WDR82: variants seen among roughly 807,000 people sequenced by gnomAD.
The protein encoded by WDR82 is WD repeat-containing protein 82.
Under a neutral mutation model 36.1 loss-of-function variants are expected in WDR82, and 8 were observed. The ratio of observed to expected loss-of-function variants is 0.22; its 90% CI spans 0.13 to 0.40. WDR82 has a LOEUF of 0.40. Ranked by LOEUF, WDR82 falls within the 10% of genes least tolerant of loss-of-function variation. The pLI, the probability that WDR82 is intolerant of heterozygous loss-of-function variation, is 1.00. For missense variants in WDR82, 185 were observed against 400.5 expected (o/e 0.46, Z 4.59); for synonymous variants, 129 against 137.8 (o/e 0.94, Z 0.45).
chr3:52,272,790 C>G (rs985467162), intron 1 of WDR82, among the ~76,000 whole-genome samples: 1 of 152,186 alleles, frequency 6.6e-6, no homozygotes. Flanking sequence ...AGGTACTAAA[C>G]AATCACGACT....
intron 6 of WDR82, 94 bp downstream of exon 6, chr3:52,259,623 G>A (rs1700042896): frequency 2.8e-6 from 4 of 1,437,752 alleles, no homozygotes; most frequent in Non-Finnish European, 2.8e-6. Flanking sequence ...AGTAAGTCAA[G>A]AGTAACTGTT....
chr3:52,256,681 T>G lies in WDR82; in HGVS notation c.*809A>C, dbSNP rs1700012406. On this transcript the variant is annotated 3_prime_UTR_variant, in exon 9 of 9. Transcript: ENST00000296490. Reference sequence around the variant, plus strand: ...TTGCTTTTGTACAAACCAAGCTTGGTAGGCACCCAGGAGGACCGTGGGTTT... The same window carrying G: ...TTGCTTTTGTACAAACCAAGCTTGGGAGGCACCCAGGAGGACCGTGGGTTT... 6.5e-6 allele frequency: 1 copy of G among 153,710 alleles called. No homozygotes were observed. The highest frequency in any genetic ancestry group is 6.6e-5 in the Admixed American group (1 of 15,260). The allele number at this position is 153,710 out of a possible 1,614,324, so 9.5% of individuals were successfully genotyped here.
intron 5 of WDR82, 134 bp downstream of exon 5, chr3:52,260,251 C>G (rs1700049642): frequency 3.4e-6 from 2 of 586,308 alleles, no homozygotes; most frequent in African/African-American, 3.9e-5. Flanking sequence ...ATCACTTGAA[C>G]CTGGGAGGCA....
At chr3:52,276,290 G>A (rs1035237506) in intron 1 of WDR82, among the ~76,000 whole-genome samples, 1 of 151,952 alleles carries the variant, frequency 6.6e-6, no homozygotes, top group East Asian at 1.9e-4. Flanking sequence ...AAAAGTTAGG[G>A]TATGGTGGCA....
chr3:52,270,842 C>A (rs906355924), intron 1 of WDR82, 33 bp from the exon 2 acceptor site: 14 of 1,478,588 alleles, frequency 9.5e-6, no homozygotes, highest in Non-Finnish European at 1.3e-5. Flanking sequence ...AAATCATGAA[C>A]ATTCTCCATC....
At chr3:52,267,415 T>C (rs182722268) in intron 2 of WDR82, 1 of 201,380 alleles carries the variant, frequency 5.0e-6, no homozygotes, top group Non-Finnish European at 1.0e-5. Flanking sequence ...TATGTGGCTG[T>C]TGAGCTAACA....
chr3:52,258,475 C>T, intron 8 of WDR82, 61 bp downstream of exon 8: 1 of 1,598,486 alleles, frequency 6.3e-7, no homozygotes, highest in Non-Finnish European at 8.6e-7. Context: ...CTTGTTGAGG[C>T]ACCCACCACC....
At chr3:52,275,137 C>T (rs1282972543) in intron 1 of WDR82, among the ~76,000 whole-genome samples, 6 of 152,058 alleles carry the variant, frequency 3.9e-5, no homozygotes, top group African/African-American at 1.4e-4. Flanking sequence ...AGGAGAATCG[C>T]TTGAACTCGG....
At chr3:52,262,498 G>C (rs1312792887) in intron 3 of WDR82, among the ~76,000 whole-genome samples, 2 of 152,174 alleles carry the variant, frequency 1.3e-5, no homozygotes, top group African/African-American at 4.8e-5. Context: ...GCATCACCTG[G>C]AGGGTGGGTT....
chr3:52,277,648 C>T (rs1700217389), intron 1 of WDR82, among the ~76,000 whole-genome samples: 1 of 152,192 alleles, frequency 6.6e-6, no homozygotes, highest in South Asian at 2.1e-4. Context: ...AGGGGCACAA[C>T]AAATAAATCC....
intron 1 of WDR82, among the ~76,000 whole-genome samples, chr3:52,272,361 T>C (rs927456443): frequency 7.2e-5 from 11 of 151,962 alleles, no homozygotes; most frequent in African/African-American, 2.2e-4. Context: ...CTGGCCAACA[T>C]GGCGAAACGC....
At chr3:52,260,539 A>C in intron 4 of WDR82, 38 bp from the exon 5 acceptor site, 4 of 1,410,086 alleles carry the variant, frequency 2.8e-6, no homozygotes, top group Non-Finnish European at 3.8e-6. Flanking sequence ...TAAAACACAC[A>C]TGCCACAACC....
chr3:52,260,350 A>C, intron 5 of WDR82, 35 bp downstream of exon 5: 2 of 1,473,880 alleles, frequency 1.4e-6, no homozygotes, highest in Non-Finnish European at 9.1e-7. Context: ...CAAAACAAAA[A>C]ACAGCTCAAA....
chr3:52,260,046 C>T (rs1352093736), intron 5 of WDR82, among the ~76,000 whole-genome samples, 174 bp from the exon 6 acceptor site: 1 of 152,170 alleles, frequency 6.6e-6, no homozygotes, highest in Admixed American at 6.5e-5. Context: ...AAGGCTCTTA[C>T]AGGGCCGGGC....
intron 3 of WDR82, among the ~76,000 whole-genome samples, chr3:52,266,613 T>C (rs1182414541): frequency 2.0e-5 from 3 of 152,104 alleles, no homozygotes; most frequent in Non-Finnish European, 2.9e-5. Context: ...AATTTTTGTA[T>C]TTTTAGTAGA....
chr3:52,273,077 T>C (rs989557975), intron 1 of WDR82, among the ~76,000 whole-genome samples: 2 of 152,234 alleles, frequency 1.3e-5, no homozygotes, highest in South Asian at 2.1e-4. Flanking sequence ...CTCTACATAG[T>C]TGACTCTGCT....
intron 2 of WDR82, chr3:52,268,141 T>C (rs754244498): frequency 3.4e-6 from 1 of 292,074 alleles, no homozygotes; most frequent in Non-Finnish European, 7.4e-6. Flanking sequence ...CTACGAAGTA[T>C]TTCTAGTTAT....
At chr3:52,259,600 G>T (rs147226656) in intron 6 of WDR82, 117 bp downstream of exon 6, 1 of 1,250,772 alleles carries the variant, frequency 8.0e-7, no homozygotes, top group Non-Finnish European at 1.1e-6. Flanking sequence ...AAATACAAGT[G>T]CATGCCTTCA....
rs747822149 is a variant in WDR82 at position 52,259,206 on chromosome 3, T to C, written c.760A>G (p.Ile254Val). 6.2e-7 allele frequency: 1 copy of C among 1,614,166 alleles called. No individual in the cohort carries two copies. Among genetic ancestry groups the C allele is most frequent in the South Asian group, 1.1e-5 (1 of 91,084 alleles). The change falls in exon 7 of 9, where the codon ATT (isoleucine) becomes GTT (valine). Residue 254 changes from isoleucine to valine, a missense_variant. Ile to Val is a conservative substitution (Grantham distance 29). Around this residue, in one of 3 missense-constraint regions of WDR82, gnomAD observed 110 missense variants for 212.6 expected, o/e 0.52. Coordinates refer to ENST00000296490, the MANE Select transcript of WDR82 (RefSeq NM_025222.4). ...ATAAAAGGAAACTCACCAATCATAA[T>C]AAACTGAGAGTCTGGAGTAAATGAA... ...EASFTPDSQF[I>V]MIGSEDGKIH...
Sources: allele counts gnomAD v4.1 joint callset (sites outside exome capture counted in the v4.1 genomes callset), GRCh38; gene constraint gnomAD v4.1.1; regional missense constraint gnomAD v4.1.1; transcripts MANE v1.5; gene names NCBI Gene and HGNC (gene_info 2026-07-23, HGNC 2026-07-21).